Variants in RNF115 observed in about 807,000 individuals in gnomAD.
The protein encoded by RNF115 is E3 ubiquitin-protein ligase RNF115.
Under a neutral mutation model 39.2 loss-of-function variants are expected in RNF115, and 31 were observed. The ratio of observed to expected loss-of-function variants is 0.79; its 90% confidence interval spans 0.59 to 1.07. RNF115 has a LOEUF of 1.07. Ranked by LOEUF, RNF115 falls within the 50% of genes least tolerant of loss-of-function variation. RNF115 has a pLI of 0.00. For synonymous variants in RNF115, 124 were observed against 131.0 expected, an observed-to-expected ratio of 0.95 and a Z score of 0.37; for missense variants, 384 against 381.7, an observed-to-expected ratio of 1.01 and a Z score of -0.05.
intron 1 of RNF115, among the ~76,000 whole-genome samples, chr1:145,820,305 A>G (rs1650179260): frequency 6.6e-6 from 1 of 151,928 alleles, no homozygotes; most frequent in Non-Finnish European, 1.5e-5. Context: ...TCTCTACAAA[A>G]AAGAAAAAAA....
In RNF115 at chr1:145,810,711, G is replaced by A. The variant is rs587699767; in HGVS notation, c.102+13061C>T. 2.1e-4 allele frequency among the ~76,000 whole-genome samples: 31 copies of A among 145,644 alleles called. 1 individual carries two copies. The East Asian group carries it at 5.2e-3, about 24-fold the overall frequency. On this transcript the variant is annotated intron_variant, in intron 1 of 8. Coordinates refer to ENST00000582693, the MANE Select transcript of RNF115 (RefSeq NM_014455.4). Reference sequence around the variant, plus strand: ...CATTCAATTGGCAGAGGCCAGGAAAGCATAGGCAAGTCCAGCACAAAGAAA... The same window carrying A: ...CATTCAATTGGCAGAGGCCAGGAAAACATAGGCAAGTCCAGCACAAAGAAA...
chr1:145,815,029 G>A (rs1553723308), intron 1 of RNF115, among the ~76,000 whole-genome samples: 1 of 152,226 alleles, frequency 6.6e-6, no homozygotes, highest in East Asian at 1.9e-4. Context: ...ATCTCTCTGG[G>A]ACCTTTCTAA....
At chr1:145,764,159 GCCAGC>G in intron 4 of RNF115, among the ~76,000 whole-genome samples, 1 of 152,202 alleles carries the variant, frequency 6.6e-6, no homozygotes, top group Admixed American at 6.5e-5. Flanking sequence ...CGAGTGATCC[GCCAGC>G]CTCGGCCTCC....
At chr1:145,807,047 T>G (rs1553721682) in intron 1 of RNF115, among the ~76,000 whole-genome samples, 1 of 152,228 alleles carries the variant, frequency 6.6e-6, no homozygotes, top group East Asian at 1.9e-4. Flanking sequence ...ACAGCCCAAG[T>G]ACCTAGAACA....
intron 1 of RNF115, among the ~76,000 whole-genome samples, chr1:145,795,193 G>C (rs1553719758): frequency 6.6e-6 from 1 of 151,900 alleles, no homozygotes; most frequent in East Asian, 1.9e-4. Context: ...GGAATTGTTT[G>C]ATCCTCCCGG....
chr1:145,755,681 G>A (rs1368921662), intron 4 of RNF115, among the ~76,000 whole-genome samples: 2 of 152,124 alleles, frequency 1.3e-5, no homozygotes, highest in African/African-American at 2.4e-5. Flanking sequence ...CAGCAGTGGG[G>A]CAGAAGTTAA....
At chr1:145,775,369 T>C (rs587620100) in intron 3 of RNF115, among the ~76,000 whole-genome samples, 1 of 150,444 alleles carries the variant, frequency 6.6e-6, no homozygotes, top group Non-Finnish European at 1.5e-5. Flanking sequence ...TAACAATATA[T>C]AATAATAAAA....
intron 1 of RNF115, among the ~76,000 whole-genome samples, chr1:145,804,073 T>C (rs1649364027): frequency 6.6e-6 from 1 of 152,238 alleles, no homozygotes; most frequent in Non-Finnish European, 1.5e-5. Flanking sequence ...TGTACCACAA[T>C]AGTTTAGAAG....
At chr1:145,789,057 G>A (rs1648523036) in intron 1 of RNF115, 91 bp from the exon 2 acceptor site, 5 of 797,626 alleles carry the variant, frequency 6.3e-6, no homozygotes, top group East Asian at 5.0e-5. Flanking sequence ...TATACAAGCT[G>A]AGGCTCTGAA....
chr1:145,812,202 G>A (rs587645331), intron 1 of RNF115, among the ~76,000 whole-genome samples: 1 of 149,364 alleles, frequency 6.7e-6, no homozygotes. Flanking sequence ...ACTTCTGGAA[G>A]ATGGTACTAT....
chr1:145,753,028 T>C lies in RNF115; in HGVS notation c.450A>G (p.Ala150=), dbSNP rs1658154477. ...AIEGILQHIF[A]GFFANSAIPG... is the part of the protein sequence containing the mutation. ...GAATGGCAGAATTTGCAAAGAATCCTGCAAAGATGTGTTGTAGTATTCTGT... is the reference window on the plus strand; with the variant it reads ...GAATGGCAGAATTTGCAAAGAATCCCGCAAAGATGTGTTGTAGTATTCTGT... The change falls in exon 5 of 9, where the codon GCA becomes GCG. Residue 150 remains alanine, a synonymous_variant. Transcript: ENST00000582693. 6.2e-7 allele frequency: 1 copy of C among 1,610,874 alleles called. No homozygotes were observed. The highest frequency in any genetic ancestry group is 8.5e-7 in the Non-Finnish European group (1 of 1,177,192).
At chr1:145,788,805 G>A in intron 2 of RNF115, 103 bp downstream of exon 2, 1 of 843,914 alleles carries the variant, frequency 1.2e-6, no homozygotes, top group Non-Finnish European at 2.0e-6. Context: ...CGCTCTCTCT[G>A]TAGAGTGTAA....
intron 4 of RNF115, among the ~76,000 whole-genome samples, chr1:145,763,007 G>A (rs1223530316): frequency 6.6e-6 from 1 of 152,090 alleles, no homozygotes; most frequent in Non-Finnish European, 1.5e-5. Context: ...ATCACAAAAG[G>A]GAGAGGGAGG....
At chr1:145,800,405 C>G (rs1315029247) in intron 1 of RNF115, among the ~76,000 whole-genome samples, 3 of 152,186 alleles carry the variant, frequency 2.0e-5, no homozygotes, top group African/African-American at 7.2e-5. Flanking sequence ...CCCATATATT[C>G]TTCTGCAATG....
chr1:145,802,699 TG>T (rs1487992731), intron 1 of RNF115, among the ~76,000 whole-genome samples: 4 of 152,240 alleles, frequency 2.6e-5, no homozygotes, highest in African/African-American at 9.6e-5. Flanking sequence ...GCCCATTTTC[TG>T]TCTAGTCTGA....
intron 1 of RNF115, among the ~76,000 whole-genome samples, chr1:145,816,794 A>G (rs1650014058): frequency 7.3e-6 from 1 of 137,920 alleles, no homozygotes; most frequent in African/African-American, 2.5e-5. Flanking sequence ...TCTCATCCAG[A>G]CTGGGTCTCT....
chr1:145,766,695 G>T, intron 4 of RNF115, among the ~76,000 whole-genome samples: 1 of 130,348 alleles, frequency 7.7e-6, no homozygotes, highest in Admixed American at 7.4e-5. Context: ...CCTCCCTCCC[G>T]GACGGGGCGG....
At chr1:145,807,190 T>TGATAA (rs1649498758) in intron 1 of RNF115, among the ~76,000 whole-genome samples, 4 of 152,198 alleles carry the variant, frequency 2.6e-5, no homozygotes, top group Admixed American at 1.3e-4. Flanking sequence ...GTGCTGTACT[T>TGATAA]CACAAATAGA....
intron 1 of RNF115, among the ~76,000 whole-genome samples, chr1:145,795,696 A>T (rs1648946302): frequency 6.6e-6 from 1 of 152,150 alleles, no homozygotes; most frequent in Non-Finnish European, 1.5e-5. Flanking sequence ...AGAGATATAA[A>T]TCAAACTGTA....
Sources: gnomAD v4.1 joint callset for allele counts (sites outside exome capture counted in the v4.1 genomes callset) on GRCh38, gnomAD v4.1.1 for gene constraint, MANE v1.5 for transcripts, NCBI Gene and HGNC (gene_info 2026-07-23, HGNC 2026-07-21) for gene names.